Variants in PHGDH observed in about 807,000 individuals in gnomAD.
The protein encoded by PHGDH is D-3-phosphoglycerate dehydrogenase.
Under a neutral mutation model 52.6 loss-of-function variants are expected in PHGDH, and 50 were observed. The observed-to-expected ratio is 0.95, with a 90% CI of 0.76 to 1.20. The LOEUF is 1.20. PHGDH is among the 50% of genes most tolerant of loss of function. The pLI is 0.00. For synonymous variants in PHGDH, 271 were observed against 280.5 expected (o/e 0.97, Z 0.34); for missense variants, 630 against 684.6 (o/e 0.92, Z 0.89).
At chr1:119,734,596 A>G in intron 5 of PHGDH, 38 bp from the exon 6 acceptor site, 2 of 1,604,970 alleles carry the variant, frequency 1.2e-6, no homozygotes, top group Non-Finnish European at 1.7e-6. Flanking sequence ...CTAATAATTA[A>G]GAATGACACT....
At chr1:119,742,479 G>T (rs1652252674) in intron 10 of PHGDH, 2 of 504,046 alleles carry the variant, frequency 4.0e-6, no homozygotes, top group Middle Eastern at 5.5e-4. Context: ...CGTGCAGGAG[G>T]CTGTGTCAGA....
chr1:119,740,386 G>C lies in PHGDH; in HGVS notation c.946G>C (p.Val316Leu), dbSNP rs146398308. 3.7e-6 allele frequency: 6 copies of C among 1,614,178 alleles called. No individual in the cohort carries two copies. The highest frequency in any genetic ancestry group is 3.3e-4 in the Middle Eastern group (2 of 6,062). Residue 316 changes from valine to leucine, a missense_variant and splice_region_variant, in exon 9 of 12, where the codon GTG (valine) becomes CTG (leucine). Coordinates refer to ENST00000641023, the MANE Select transcript of PHGDH (RefSeq NM_006623.4). Reference protein sequence around the residue: ...MVKGKSLTGVVNAQALTSAFS... With the variant: ...MVKGKSLTGVLNAQALTSAFS... ...AGCCCCGCTCCTCCATCCTCTGCAGGTGAATGCCCAGGCCCTTACCAGTGC... is the reference window on the plus strand; with the variant it reads ...AGCCCCGCTCCTCCATCCTCTGCAGCTGAATGCCCAGGCCCTTACCAGTGC...
intron 3 of PHGDH, chr1:119,724,427 G>A (rs2101163192): frequency 3.7e-6 from 1 of 266,974 alleles, no homozygotes; most frequent in Non-Finnish European, 7.3e-6. Context: ...ACTCCTCCCT[G>A]CAGTTTCCAT....
chr1:119,735,198 A>G (rs1276759682), intron 6 of PHGDH, 97 bp from the exon 7 acceptor site: 1 of 1,519,530 alleles, frequency 6.6e-7, no homozygotes, highest in Non-Finnish European at 9.1e-7. Flanking sequence ...GCTCTGGGAA[A>G]GAGCTGGCTC....
At chr1:119,727,540 G>C (rs1651486921) in intron 5 of PHGDH, 1 of 244,344 alleles carries the variant, frequency 4.1e-6, no homozygotes, top group Non-Finnish European at 8.0e-6. Flanking sequence ...ATAAGAGTGA[G>C]GCAGTGTTGG....
rs762188303 is a variant in PHGDH, at chr1:119,712,060, A to G, written c.38A>G (p.Asp13Gly). The change falls in exon 1 of 12, where the codon GAC (aspartate) becomes GGC (glycine). Residue 13 changes from aspartate to glycine, a missense_variant. By Grantham distance (94) the Asp-to-Gly change is moderately conservative. Transcript: ENST00000641023. ...FANLRKVLIS[D>G]SLDPCCRKIL... ...AATCTGCGGAAAGTGCTCATCAGTG[A>G]CAGCCTGGACCCTTGCTGCCGGAAG... is the stretch of plus-strand genomic sequence containing the variant. 6.2e-7 allele frequency: 1 copy of G among 1,614,206 alleles called. No homozygotes were observed. The highest frequency in any genetic ancestry group is 2.2e-5 in the East Asian group (1 of 44,892).
rs761104723 is a variant in PHGDH, at chr1:119,737,119, G to A, written c.798G>A (p.Pro266=). Residue 266 remains proline, a synonymous_variant, in exon 8 of 12, where the codon CCG becomes CCA. Coordinates refer to ENST00000641023, the MANE Select transcript of PHGDH (RefSeq NM_006623.4). ...AGGTATCTCTTTCTGGGCAGGAGCC[G>A]CCACGGGACCGGGCCTTGGTGGACC... ...GAALDVFTEE[P]PRDRALVDHE... 1.2e-5 allele frequency: 19 copies of A among 1,613,942 alleles called. No individual in the cohort carries two copies. The highest frequency in any genetic ancestry group is 2.2e-5 in the East Asian group (1 of 44,902).
intron 7 of PHGDH, among the ~76,000 whole-genome samples, chr1:119,735,749 G>A (rs1447063472): frequency 1.3e-5 from 2 of 152,204 alleles, no homozygotes; most frequent in East Asian, 3.8e-4. Context: ...AATCAGTTCT[G>A]AAGTTGAGGG....
At chr1:119,734,272 A>G in intron 5 of PHGDH, 2 of 357,172 alleles carry the variant, frequency 5.6e-6, no homozygotes, top group Non-Finnish European at 1.1e-5. Flanking sequence ...TATATGAGCT[A>G]TTGTTGCATC....
chr1:119,726,679 C>T (rs769940759), intron 3 of PHGDH, 172 bp from the exon 4 acceptor site: 10 of 676,746 alleles, frequency 1.5e-5, no homozygotes, highest in East Asian at 2.7e-5. Flanking sequence ...AAGGGTTTCT[C>T]TCTTCTGTTT....
In PHGDH at chr1:119,735,418, G is replaced by C. The variant is rs1651888145; in HGVS notation, c.767G>C (p.Gly256Ala). ...GCCCTGCAGTCTGGCCAGTGTGCCG[G>C]GGCTGCACTGGACGTGTTTACGGAA... The part of the protein sequence containing the change: ...LRALQSGQCA[G>A]AALDVFTEEP... Residue 256 changes from glycine (G) to alanine (A), a missense_variant, in exon 7 of 12, where the codon GGG (glycine) becomes GCG (alanine). Gly to Ala is a moderately conservative substitution (Grantham distance 60). Transcript: ENST00000641023. The C allele has an allele frequency of 6.2e-7, 1 of 1,613,734 alleles. No individual in the cohort carries two copies. Among genetic ancestry groups the C allele is most frequent in the African/African-American group, 1.3e-5 (1 of 75,060 alleles).
At chr1:119,726,718 A>G in intron 3 of PHGDH, 133 bp from the exon 4 acceptor site, 1 of 756,846 alleles carries the variant, frequency 1.3e-6, no homozygotes. Context: ...GTGTTCCTAA[A>G]CCTGAACCCC....
At chr1:119,737,357 A>G in intron 8 of PHGDH, 91 bp downstream of exon 8, 1 of 1,127,436 alleles carries the variant, frequency 8.9e-7, no homozygotes, top group Non-Finnish European at 1.3e-6. Flanking sequence ...GCGTGGGTGA[A>G]TAGATTCAGC....
intron 9 of PHGDH, among the ~76,000 whole-genome samples, chr1:119,741,166 G>C (rs919008874): frequency 1.3e-5 from 2 of 152,156 alleles, no homozygotes; most frequent in African/African-American, 4.8e-5. Flanking sequence ...GACCAAGGAG[G>C]GCTCCAGTTT....
chr1:119,731,414 G>A (rs1272346163), intron 5 of PHGDH, among the ~76,000 whole-genome samples: 1 of 152,196 alleles, frequency 6.6e-6, no homozygotes, highest in African/African-American at 2.4e-5. Flanking sequence ...CAAGAAGCGA[G>A]CCTTGTGCTT....
intron 5 of PHGDH, chr1:119,727,650 A>G (rs941549031): frequency 1.1e-4 from 16 of 151,556 alleles, no homozygotes; most frequent in African/African-American, 4.0e-4. Context: ...TAACATGGTG[A>G]AACCGCATCG....
At chr1:119,718,534 A>T (rs1215633903) in intron 1 of PHGDH, among the ~76,000 whole-genome samples, 1 of 152,176 alleles carries the variant, frequency 6.6e-6, no homozygotes, top group African/African-American at 2.4e-5. Flanking sequence ...ACTCTTCTTC[A>T]GTTACAGTCT....
At chr1:119,741,472 G>A (rs1332070259) in intron 9 of PHGDH, among the ~76,000 whole-genome samples, 1 of 152,214 alleles carries the variant, frequency 6.6e-6, no homozygotes, top group Non-Finnish European at 1.5e-5. Context: ...AGAATAATAG[G>A]TAGGCCAGGA....
intron 1 of PHGDH, 59 bp downstream of exon 1, chr1:119,712,219 C>G (rs909886627): frequency 6.5e-7 from 1 of 1,537,576 alleles, no homozygotes; most frequent in Non-Finnish European, 8.9e-7. Context: ...AAAAGGCTGG[C>G]TGCGCCCAGG....
Sources: allele counts gnomAD v4.1 joint callset (sites outside exome capture counted in the v4.1 genomes callset), GRCh38; gene constraint gnomAD v4.1.1; transcripts MANE v1.5; gene names NCBI Gene and HGNC (gene_info 2026-07-23, HGNC 2026-07-21).